Variants in EYS observed in about 807,000 individuals in gnomAD.
The protein encoded by EYS is protein eyes shut homolog.
Under a neutral mutation model 282.1 loss-of-function variants are expected in EYS, and 250 were observed. That is an observed-to-expected ratio of 0.89 (90% CI 0.80 to 0.98). The LOEUF (loss-of-function observed/expected upper bound fraction) is 0.98. Among genes scored for constraint, EYS ranks in the 50% least tolerant of loss-of-function variants. The probability of loss-of-function intolerance (pLI) is 0.00; values close to 1 mark genes in which losing one functional copy is unlikely to be tolerated. For missense variants in EYS, 4,016 were observed against 3,709.0 expected (o/e 1.08, Z -2.15); for synonymous variants, 1,355 against 1,282.9 (o/e 1.06, Z -1.20).
chr6:65,156,299 C>A (rs887948378), intron 12 of EYS, among the ~76,000 whole-genome samples: 7 of 151,178 alleles, frequency 4.6e-5, no homozygotes, highest in African/African-American at 1.2e-4. Flanking sequence ...TGTCCAATTT[C>A]TGGGACTGAC....
At chr6:63,887,818 C>A (rs961184869) in intron 35 of EYS, among the ~76,000 whole-genome samples, 1 of 152,188 alleles carries the variant, frequency 6.6e-6, no homozygotes, top group Admixed American at 6.5e-5. Flanking sequence ...ACCATTCACT[C>A]CCCTGGAAAG....
intron 26 of EYS, among the ~76,000 whole-genome samples, chr6:64,533,757 CA>C (rs1195315573): frequency 1.3e-5 from 2 of 151,612 alleles, no homozygotes; most frequent in East Asian, 1.9e-4. Flanking sequence ...ACTAAGAACC[CA>C]AAAAAGTAAA....
intron 12 of EYS, among the ~76,000 whole-genome samples, chr6:65,058,014 T>C (rs1013802544): frequency 6.6e-6 from 1 of 152,100 alleles, no homozygotes; most frequent in Non-Finnish European, 1.5e-5. Flanking sequence ...CTAGAGAGTC[T>C]AGAGATGGTG....
intron 36 of EYS, among the ~76,000 whole-genome samples, chr6:63,807,386 A>T (rs74538725): frequency 6.6e-6 from 1 of 152,092 alleles, no homozygotes; most frequent in African/African-American, 2.4e-5. Context: ...TAAGAAATAT[A>T]CTCACTCTGG....
chr6:64,854,778 C>T (rs1367493184), intron 19 of EYS, among the ~76,000 whole-genome samples: 1 of 151,880 alleles, frequency 6.6e-6, no homozygotes, highest in African/African-American at 2.4e-5. Context: ...CTTTCACTTA[C>T]CTTCAATTTT....
intron 2 of EYS, among the ~76,000 whole-genome samples, chr6:65,526,813 A>C (rs1189515519): frequency 6.6e-6 from 1 of 152,202 alleles, no homozygotes; most frequent in Non-Finnish European, 1.5e-5. Context: ...CTCAAAAAAC[A>C]AAATTAAATT....
chr6:65,454,909 T>G (rs1466028057), intron 5 of EYS, among the ~76,000 whole-genome samples: 1 of 152,078 alleles, frequency 6.6e-6, no homozygotes, highest in African/African-American at 2.4e-5. Context: ...TTACTTTAGT[T>G]TTGTAGTGTA....
chr6:64,722,961 CT>C (rs1771630939), intron 22 of EYS, among the ~76,000 whole-genome samples: 1 of 152,034 alleles, frequency 6.6e-6, no homozygotes, highest in Non-Finnish European at 1.5e-5. Context: ...TACACTTGTC[CT>C]TCACATTCTT....
chr6:64,349,046 G>T (rs944348864), intron 29 of EYS, among the ~76,000 whole-genome samples: 1 of 151,180 alleles, frequency 6.6e-6, no homozygotes, highest in East Asian at 2.0e-4. Flanking sequence ...TGTCTTGTTT[G>T]CTTTTGATCT....
chr6:64,091,295 A>C (rs1024038531), intron 31 of EYS, among the ~76,000 whole-genome samples: 3 of 152,146 alleles, frequency 2.0e-5, no homozygotes, highest in Non-Finnish European at 4.4e-5. Context: ...TATATAGACT[A>C]TAATACTTTT....
intron 29 of EYS, among the ~76,000 whole-genome samples, chr6:64,374,046 T>A (rs1332761929): frequency 1.3e-5 from 2 of 151,916 alleles, no homozygotes; most frequent in Non-Finnish European, 2.9e-5. Flanking sequence ...GCAGGACCAC[T>A]TGGCTGGAAA....
At chr6:64,941,036 T>C (rs755167501) in intron 15 of EYS, among the ~76,000 whole-genome samples, 12 of 152,122 alleles carry the variant, frequency 7.9e-5, no homozygotes, top group Non-Finnish European at 1.6e-4. Context: ...TACTTGATTA[T>C]GCATCTACAT....
chr6:64,139,316 A>G (rs1774261930), intron 31 of EYS, among the ~76,000 whole-genome samples: 1 of 152,158 alleles, frequency 6.6e-6, no homozygotes, highest in Non-Finnish European at 1.5e-5. Flanking sequence ...TGTATCCTGA[A>G]CTAAGGACTT....
intron 12 of EYS, among the ~76,000 whole-genome samples, chr6:65,201,177 C>T (rs576781166): frequency 1.5e-4 from 23 of 152,176 alleles, no homozygotes; most frequent in African/African-American, 5.1e-4. Flanking sequence ...ATGAAAGGTG[C>T]ACATAAAGAT....
At chr6:63,951,635 T>C (rs141475815) in intron 35 of EYS, among the ~76,000 whole-genome samples, 1 of 152,266 alleles carries the variant, frequency 6.6e-6, no homozygotes, top group African/African-American at 2.4e-5. Context: ...CTCTACCCTA[T>C]AATCCTTTTA....
At chr6:64,680,179 T>C (rs1028319195) in intron 22 of EYS, among the ~76,000 whole-genome samples, 1 of 152,048 alleles carries the variant, frequency 6.6e-6, no homozygotes, top group African/African-American at 2.4e-5. Flanking sequence ...AAGTGAGTGA[T>C]GAAGAAAGGA....
At chr6:63,949,902 G>T (rs140577785) in intron 35 of EYS, among the ~76,000 whole-genome samples, 3 of 152,036 alleles carry the variant, frequency 2.0e-5, no homozygotes, top group Admixed American at 2.0e-4. Flanking sequence ...GGCCAGGCGC[G>T]GTGTCTCACG....
rs568841344 is a variant in EYS at position 64,882,691 on chromosome 6, A to G, written c.2992+4006T>C. On this transcript the variant is annotated intron_variant, in intron 19 of 42. Transcript: ENST00000503581. ...AATTATTACAGATGCATAATGTGTA[A>G]TTAGAAATTTGAAGTTGCTTTTACA... 9.2e-5 allele frequency among the ~76,000 whole-genome samples: 14 copies of G among 151,804 alleles called. No homozygotes were observed. In the East Asian group the frequency reaches 2.7e-3, roughly 29 times the overall value.
rs1304149808 is a variant in EYS at position 64,169,438 on chromosome 6, T to G, written c.6424+61154A>C. 1.9e-3 allele frequency among the ~76,000 whole-genome samples: 294 copies of G among 151,872 alleles called. 5 individuals are homozygous for G. The highest frequency in any genetic ancestry group is 0.018 in the Admixed American group (272 of 15,278). On this transcript the variant is annotated intron_variant, in intron 31 of 42. Coordinates refer to ENST00000503581, the MANE Select transcript of EYS (RefSeq NM_001142800.2). ...CAAACAATTTGAGGAGGAGTTTTTTTTTTTTTTTTACAAAAAGGATTATTG... is the reference window on the plus strand; with the variant it reads ...CAAACAATTTGAGGAGGAGTTTTTTGTTTTTTTTTACAAAAAGGATTATTG...
Sources: allele counts gnomAD v4.1 joint callset (sites outside exome capture counted in the v4.1 genomes callset), GRCh38; gene constraint gnomAD v4.1.1; transcripts MANE v1.5; gene names NCBI Gene and HGNC (gene_info 2026-07-23, HGNC 2026-07-21).